Variants in MRPL20 observed in about 807,000 individuals in gnomAD.
MRPL20 encodes the protein large ribosomal subunit protein bL20m.
MRPL20 carries 21 observed loss-of-function variants against 20.0 expected under a neutral mutation model. That is an observed-to-expected ratio of 1.05 (90% CI 0.74 to 1.51). The LOEUF (loss-of-function observed/expected upper bound fraction) is 1.51. Among genes scored for constraint, MRPL20 ranks in the 40% most tolerant of loss-of-function variants. The pLI is 0.00. For missense variants in MRPL20, 252 were observed against 185.6 expected (o/e 1.36, Z -2.08); for synonymous variants, 104 against 73.0 (o/e 1.43, Z -2.17).
intron 3 of MRPL20, among the ~76,000 whole-genome samples, chr1:1,403,417 T>C (rs1374996681): frequency 6.6e-6 from 1 of 151,830 alleles, no homozygotes; most frequent in Non-Finnish European, 1.5e-5. Flanking sequence ...CTACTTTTTG[T>C]ATTTTTAGTA....
At chr1:1,405,767 AG>A in intron 3 of MRPL20, 41 bp downstream of exon 3, 1 of 1,614,120 alleles carries the variant, frequency 6.2e-7, no homozygotes, top group Non-Finnish European at 8.5e-7. Context: ...TGGTTTCTGC[AG>A]ATGTCCAGAA....
At chr1:1,405,402 C>T in intron 3 of MRPL20, 1 of 562,456 alleles carries the variant, frequency 1.8e-6, no homozygotes, top group South Asian at 2.1e-5. Context: ...TCAGACTCCT[C>T]AGTAGCTGAC....
intron 3 of MRPL20, among the ~76,000 whole-genome samples, chr1:1,403,402 C>A (rs1645351925): frequency 1.3e-5 from 2 of 151,916 alleles, no homozygotes; most frequent in African/African-American, 4.8e-5. Context: ...CGCCACCGCA[C>A]CTGGCTACTT....
intron 2 of MRPL20, 63 bp downstream of exon 2, chr1:1,406,846 G>A (rs1031906009): frequency 7.0e-7 from 1 of 1,430,388 alleles, no homozygotes; most frequent in Admixed American, 1.7e-5. Context: ...TAGCTGGGTC[G>A]CGGCGCAGAA....
intron 3 of MRPL20, among the ~76,000 whole-genome samples, chr1:1,404,943 C>G (rs1009490335): frequency 6.6e-6 from 1 of 152,164 alleles, no homozygotes; most frequent in African/African-American, 2.4e-5. Context: ...CTCCTCGCCT[C>G]TGCCACATGG....
Position 1,405,383 on chromosome 1 carries a change from C to G in MRPL20, c.276+426G>C, listed in dbSNP as rs1242718323. ...CAAACTCCTGGGGGCTCAAAGTGAT[C>G]CCCCTGCTTCAGACTCCTCAGTAGC... On this transcript the variant is annotated intron_variant, in intron 3 of 3. Coordinates refer to ENST00000344843, the MANE Select transcript of MRPL20 (RefSeq NM_017971.4). 8 of 521,720 alleles carry G rather than the reference C, an allele frequency of 1.5e-5. No individual in the cohort carries two copies. In the Admixed American group the frequency reaches 2.8e-4, roughly 18 times the overall value. The allele number at this position is 521,720 out of a possible 1,614,324, so 32.3% of individuals were successfully genotyped here.
At chr1:1,406,472 C>T (rs759932875) in intron 2 of MRPL20, 1 of 202,006 alleles carries the variant, frequency 5.0e-6, no homozygotes, top group Non-Finnish European at 1.0e-5. Flanking sequence ...CCCAGAAATG[C>T]GGGGGGTTCC....
Position 1,406,677 on chromosome 1 carries a change from T to C in MRPL20, c.198+232A>G, listed in dbSNP as rs994398035. On this transcript the variant is annotated intron_variant, in intron 2 of 3. Transcript: ENST00000344843. ...GGAGAGTGTCAAGGCGGCTCTGCAGTGGCCCGGGCGAGGGGCTGGAGCAGG... is the reference window on the plus strand; with the variant it reads ...GGAGAGTGTCAAGGCGGCTCTGCAGCGGCCCGGGCGAGGGGCTGGAGCAGG... The C allele has an allele frequency of 1.1e-4, 55 of 504,930 alleles. No homozygotes were observed. In the African/African-American group the frequency reaches 1.5e-3, roughly 14 times the overall value. 31.3% of individuals were successfully genotyped at this position (504,930 alleles called of 1,614,324 possible).
In MRPL20 at chr1:1,407,242, A is replaced by C. The variant is rs1399690929; in HGVS notation, c.-25T>G. ...TGGCGCCTGCAGGCCGGCGTCCCGA[A>C]CACTCAACAACGCACGCGCAGCGCC... On this transcript the variant is annotated 5_prime_UTR_variant, in exon 1 of 4. Transcript: ENST00000344843. 1 of 1,560,764 alleles carries C rather than the reference A, an allele frequency of 6.4e-7. No individual in the cohort carries two copies. The highest frequency in any genetic ancestry group is 1.9e-5 in the Admixed American group (1 of 53,264).
intron 2 of MRPL20, chr1:1,406,471 G>C (rs1253758298): frequency 4.9e-6 from 1 of 204,608 alleles, no homozygotes; most frequent in African/African-American, 2.4e-5. Flanking sequence ...TCCCAGAAAT[G>C]CGGGGGGTTC....
chr1:1,406,505 G>A lies in MRPL20; in HGVS notation c.198+404C>T, dbSNP rs572323341. 9.2e-4 allele frequency: 218 copies of A among 237,980 alleles called. 1 individual carries two copies. The highest frequency in any genetic ancestry group is 1.3e-3 in the Admixed American group (26 of 19,690). The allele number at this position is 237,980 out of a possible 1,614,324, so 14.7% of individuals were successfully genotyped here. A position where few individuals can be genotyped will look rare whatever the true frequency, so the allele number is the denominator to read the frequency against. On this transcript the variant is annotated intron_variant, in intron 2 of 3. Transcript: ENST00000344843. ...TCCGGGTGGGCAGAGCTTGGCAGCAGGCGTGGTCTCTTCGAGGAGCACCAC... is the reference window on the plus strand; with the variant it reads ...TCCGGGTGGGCAGAGCTTGGCAGCAAGCGTGGTCTCTTCGAGGAGCACCAC...
intron 3 of MRPL20, among the ~76,000 whole-genome samples, chr1:1,404,691 C>T (rs1261298753): frequency 6.7e-6 from 1 of 149,908 alleles, no homozygotes; most frequent in Non-Finnish European, 1.5e-5. Context: ...TAGTAGAGAC[C>T]GGGTTTCACC....
At chr1:1,404,495 T>C (rs1234686167) in intron 3 of MRPL20, among the ~76,000 whole-genome samples, 4 of 151,562 alleles carry the variant, frequency 2.6e-5, no homozygotes, top group Admixed American at 1.3e-4. Flanking sequence ...AAAGTCAAGT[T>C]TTTCTACACT....
chr1:1,405,344 G>A (rs1645372871), intron 3 of MRPL20: 1 of 441,930 alleles, frequency 2.3e-6, no homozygotes, highest in Non-Finnish European at 4.1e-6. Context: ...TACCATCATA[G>A]CTCACTGCAG....
chr1:1,407,202 C>T lies in MRPL20; in HGVS notation c.16G>A (p.Ala6Thr). ...ACGCGATTCCGCAGCCAGAGCTGCG[C>T]GGTGAGGAAGACCATGGCGCCTGCA... MVFLTAQLWLRNRVTD... is the reference protein window; with the variant it reads MVFLTTQLWLRNRVTD... The change falls in exon 1 of 4, where the codon GCG (alanine) becomes ACG (threonine). Residue 6 changes from alanine to threonine, a missense_variant. Coordinates refer to ENST00000344843, the MANE Select transcript of MRPL20 (RefSeq NM_017971.4). The T allele has an allele frequency of 1.2e-6, 2 of 1,604,364 alleles. No individual in the cohort carries two copies. The highest frequency in any genetic ancestry group is 1.7e-6 in the Non-Finnish European group (2 of 1,175,884).
At chr1:1,406,530 C>T in intron 2 of MRPL20, 1 of 276,050 alleles carries the variant, frequency 3.6e-6, no homozygotes, top group Non-Finnish European at 7.1e-6. Context: ...AGGAGCACCA[C>T]GGCAGCAGAT....
At chr1:1,404,478 TG>T (rs1645364818) in intron 3 of MRPL20, among the ~76,000 whole-genome samples, 2 of 151,800 alleles carry the variant, frequency 1.3e-5, no homozygotes, top group South Asian at 4.2e-4. Flanking sequence ...AATTAAACTT[TG>T]AAGTTAAAGT....
At chr1:1,404,069 T>C (rs1052639182) in intron 3 of MRPL20, among the ~76,000 whole-genome samples, 25 of 151,994 alleles carry the variant, frequency 1.6e-4, no homozygotes, top group African/African-American at 5.1e-4. Flanking sequence ...GAACTCCTGA[T>C]GTCAGGTGAT....
At position 1,407,197 on chromosome 1, in the gene MRPL20, C is replaced by G. The variant is rs768478633; in HGVS notation, c.21G>C (p.Gln7His). Residue 7 changes from glutamine (Q) to histidine (H), a missense_variant, in exon 1 of 4, where the codon CAG becomes CAC. Physicochemically the swap from Gln to His is conservative, Grantham distance 24. Transcript: ENST00000344843. The part of the protein sequence containing the change: MVFLTA[Q>H]LWLRNRVTDR... ...CGGTGACGCGATTCCGCAGCCAGAGCTGCGCGGTGAGGAAGACCATGGCGC... is the reference window on the plus strand; with the variant it reads ...CGGTGACGCGATTCCGCAGCCAGAGGTGCGCGGTGAGGAAGACCATGGCGC... 1 of 1,605,372 alleles carries G rather than the reference C, an allele frequency of 6.2e-7. No homozygotes were observed. Among genetic ancestry groups the G allele is most frequent in the Non-Finnish European group, 8.5e-7 (1 of 1,176,396 alleles).
Sources: allele counts gnomAD v4.1 joint callset (sites outside exome capture counted in the v4.1 genomes callset), GRCh38; gene constraint gnomAD v4.1.1; transcripts MANE v1.5; gene names NCBI Gene and HGNC (gene_info 2026-07-23, HGNC 2026-07-21).